The following HTT variants were observed in gnomAD, a reference collection of about 807,000 sequenced individuals.
HTT encodes the protein huntingtin.
HTT carries 104 observed loss-of-function variants against 362.3 expected under a neutral mutation model. The ratio of observed to expected loss-of-function variants is 0.29; its 90% CI spans 0.24 to 0.34. The LOEUF is 0.34. Among genes scored for constraint, HTT ranks in the 10% least tolerant of loss-of-function variants. The pLI, the probability that HTT is intolerant of heterozygous loss-of-function variation, is 1.00. For missense variants in HTT, 3,301 were observed against 3,928.6 expected (o/e 0.84, Z 4.27); for synonymous variants, 1,577 against 1,548.7 (o/e 1.02, Z -0.43).
chr4:3,147,677 C>G (rs191087324), intron 25 of HTT, among the ~76,000 whole-genome samples: 1 of 152,098 alleles, frequency 6.6e-6, no homozygotes, highest in Non-Finnish European at 1.5e-5. Flanking sequence ...GGCTTTGGGA[C>G]TGTAGGGAAG....
intron 6 of HTT, among the ~76,000 whole-genome samples, chr4:3,111,570 T>C (rs1209581245): frequency 1.3e-5 from 2 of 152,176 alleles, no homozygotes; most frequent in African/African-American, 2.4e-5. Context: ...ATTTTCCTGC[T>C]TGGAGGCTAT....
intron 21 of HTT, among the ~76,000 whole-genome samples, chr4:3,139,988 G>C (rs377309553): frequency 6.6e-6 from 1 of 152,176 alleles, no homozygotes; most frequent in African/African-American, 2.4e-5. Context: ...GGGCGTGGGG[G>C]CTCACGCCTG....
chr4:3,162,418 T>C (rs551846755), intron 29 of HTT, among the ~76,000 whole-genome samples: 14 of 152,334 alleles, frequency 9.2e-5, no homozygotes, highest in Admixed American at 2.6e-4. Flanking sequence ...TCTTTTTTGG[T>C]TCCATATGAA....
chr4:3,169,816 C>T (rs750729747), intron 29 of HTT, among the ~76,000 whole-genome samples: 5 of 152,182 alleles, frequency 3.3e-5, no homozygotes, highest in Non-Finnish European at 5.9e-5. Context: ...TCAGGTGATT[C>T]ATCCGCCTCG....
rs773944544 is a variant in HTT, at chr4:3,188,943, C to T, written c.5226-8C>T. ...TAATTCACTGTCATCTTTTTTGTTT[C>T]TTGGAAGGTTTCTATTACAACTGGT... On this transcript the variant is annotated splice_region_variant and splice_polypyrimidine_tract_variant and intron_variant, in intron 39 of 66. Coordinates refer to ENST00000355072, the MANE Select transcript of HTT (RefSeq NM_001388492.1). The T allele has an allele frequency of 3.7e-6, 6 of 1,609,718 alleles. No individual in the cohort carries two copies. The highest frequency in any genetic ancestry group is 3.4e-5 in the Admixed American group (2 of 58,866).
intron 62 of HTT, 22 bp downstream of exon 62, chr4:3,235,420 T>C: frequency 1.9e-6 from 3 of 1,539,554 alleles, no homozygotes; most frequent in Non-Finnish European, 2.7e-6. Flanking sequence ...CTGGCTGTCT[T>C]CCTCTGCACA....
At chr4:3,099,847 G>A (rs1316637909) in intron 3 of HTT, among the ~76,000 whole-genome samples, 2 of 142,960 alleles carry the variant, frequency 1.4e-5, no homozygotes, top group African/African-American at 2.7e-5. Flanking sequence ...GTTTGGAAGT[G>A]CTCTTGTATG....
intron 29 of HTT, among the ~76,000 whole-genome samples, chr4:3,168,478 G>C (rs1453413498): frequency 2.6e-5 from 4 of 152,148 alleles, no homozygotes; most frequent in Non-Finnish European, 5.9e-5. Context: ...TTTCTAAATA[G>C]CAACACTAGG....
rs751047982 is a variant in HTT at position 3,178,451 on chromosome 4, C to T, written c.4612+5C>T. The T allele has an allele frequency of 4.0e-5, 65 of 1,612,132 alleles. 1 individual carries two copies. Among genetic ancestry groups the T allele is most frequent in the Admixed American group, 2.2e-4 (13 of 59,714 alleles). The stretch of plus-strand genomic sequence containing the variant: ...GAAGGAAGGCTGTGACACATGGTAA[C>T]GGGACACACCTTTCACTGTCGTCTT... On this transcript the variant is annotated splice_donor_5th_base_variant and intron_variant, in intron 35 of 66. Coordinates refer to ENST00000355072, the MANE Select transcript of HTT (RefSeq NM_001388492.1).
chr4:3,142,859 A>G lies in HTT; in HGVS notation c.3039A>G (p.Leu1013=), dbSNP rs2110200450. 1.9e-6 allele frequency: 3 copies of G among 1,612,538 alleles called. No individual in the cohort carries two copies. Among genetic ancestry groups the G allele is most frequent in the Non-Finnish European group, 2.5e-6 (3 of 1,178,614 alleles). ...TTATTGCAGCAGTTTCTCATGAACT[A>G]ATCACATCAACCACCAGAGCACTCA... ...SRVIAAVSHE[L]ITSTTRALTF... is the part of the protein sequence containing the mutation. The change falls in exon 23 of 67, where the codon CTA becomes CTG. Residue 1013 remains leucine (L), a synonymous_variant. Coordinates refer to ENST00000355072, the MANE Select transcript of HTT (RefSeq NM_001388492.1).
At chr4:3,171,743 C>T (rs1307071203) in intron 29 of HTT, among the ~76,000 whole-genome samples, 2 of 152,312 alleles carry the variant, frequency 1.3e-5, no homozygotes, top group Middle Eastern at 6.8e-3. Flanking sequence ...TCCCAAAATG[C>T]TGGGATTACA....
At chr4:3,125,788 A>G (rs532927458) in intron 11 of HTT, among the ~76,000 whole-genome samples, 159 bp downstream of exon 11, 2 of 152,236 alleles carry the variant, frequency 1.3e-5, no homozygotes, top group East Asian at 3.9e-4. Flanking sequence ...CTTTTATAAT[A>G]CTTACTCTGA....
chr4:3,118,682 T>C (rs753081621), intron 8 of HTT, among the ~76,000 whole-genome samples: 26 of 152,148 alleles, frequency 1.7e-4, no homozygotes, highest in Non-Finnish European at 3.4e-4. Flanking sequence ...TGTGTTAAAT[T>C]GGGATTGCAG....
chr4:3,151,163 T>G (rs1162043172), intron 26 of HTT, among the ~76,000 whole-genome samples: 2 of 151,964 alleles, frequency 1.3e-5, no homozygotes, highest in African/African-American at 2.4e-5. Context: ...GGAGCGTGTA[T>G]GAGTTCGTTC....
intron 52 of HTT, among the ~76,000 whole-genome samples, chr4:3,219,211 G>A (rs1249261862): frequency 1.3e-5 from 2 of 152,144 alleles, no homozygotes; most frequent in Non-Finnish European, 2.9e-5. Context: ...CCCCACTCTT[G>A]GTGCACAGCG....
intron 1 of HTT, among the ~76,000 whole-genome samples, chr4:3,083,506 A>G (rs2110138298): frequency 6.6e-6 from 1 of 150,536 alleles, no homozygotes; most frequent in South Asian, 2.1e-4. Context: ...CCTGGGCAAG[A>G]GAGTGAGACC....
chr4:3,229,805 C>G, intron 59 of HTT, 82 bp from the exon 60 acceptor site: 2 of 1,424,046 alleles, frequency 1.4e-6, no homozygotes, highest in Non-Finnish European at 2.0e-6. Flanking sequence ...ACACGACTTG[C>G]CAGTAGTAGC....
At chr4:3,134,360 G>C in intron 18 of HTT, 41 bp from the exon 19 acceptor site, 1 of 1,595,622 alleles carries the variant, frequency 6.3e-7, no homozygotes, top group Non-Finnish European at 8.5e-7. Context: ...TACTGAGTGG[G>C]ACTAACCTGC....
At chr4:3,237,133 G>T (rs1170533700) in intron 64 of HTT, among the ~76,000 whole-genome samples, 2 of 152,070 alleles carry the variant, frequency 1.3e-5, no homozygotes, top group African/African-American at 4.8e-5. Context: ...GAGTGCAATG[G>T]TGTGATCTCG....
Sources: allele counts gnomAD v4.1 joint callset (sites outside exome capture counted in the v4.1 genomes callset), GRCh38; gene constraint gnomAD v4.1.1; transcripts MANE v1.5; gene names NCBI Gene and HGNC (gene_info 2026-07-23, HGNC 2026-07-21).